NFKB1: variants seen among roughly 807,000 people sequenced by gnomAD.
NFKB1 encodes nuclear factor NF-kappa-B p105 subunit.
NFKB1 carries 9 observed loss-of-function variants against 105.1 expected under a neutral mutation model. The ratio of observed to expected loss-of-function variants is 0.09; its 90% CI spans 0.05 to 0.15. The LOEUF (loss-of-function observed/expected upper bound fraction) is 0.15. Among genes scored for constraint, NFKB1 ranks in the 10% least tolerant of loss-of-function variants. NFKB1 has a pLI of 1.00. For synonymous variants in NFKB1, 440 were observed against 442.2 expected (o/e 1.00, Z 0.06); for missense variants, 830 against 1,203.7 (o/e 0.69, Z 4.59).
At chr4:102,612,152 T>G in intron 21 of NFKB1, 42 bp downstream of exon 21, 1 of 1,529,978 alleles carries the variant, frequency 6.5e-7, no homozygotes, top group Non-Finnish European at 9.1e-7. Context: ...CATTATTATC[T>G]CCACACTGTC....
intron 1 of NFKB1, among the ~76,000 whole-genome samples, chr4:102,504,029 G>A (rs961435383): frequency 3.3e-5 from 5 of 152,186 alleles, no homozygotes; most frequent in African/African-American, 7.2e-5. Context: ...CCTAATTTAT[G>A]AGAGGTATTT....
intron 11 of NFKB1, among the ~76,000 whole-genome samples, chr4:102,586,356 G>A (rs973876701): frequency 1.1e-4 from 16 of 152,232 alleles, no homozygotes; most frequent in African/African-American, 3.9e-4. Flanking sequence ...AGTAGATTTG[G>A]GTGGGAAAAG....
chr4:102,612,083 T>G lies in NFKB1; in HGVS notation c.2392T>G (p.Phe798Val), dbSNP rs776831944. The G allele has an allele frequency of 6.2e-7, 1 of 1,614,070 alleles. No individual in the cohort carries two copies. The highest frequency in any genetic ancestry group is 8.5e-7 in the Non-Finnish European group (1 of 1,179,970). The change falls in exon 21 of 24, where the codon TTT (phenylalanine) becomes GTT (valine). Residue 798 changes from phenylalanine to valine, a missense_variant. This residue lies in a region of NFKB1 where 418 missense variants were observed against 575.3 expected (regional missense o/e 0.73). Transcript: ENST00000226574. Reference protein sequence around the residue: ...ILNGKPYEPEFTSDDLLAQGD... With the variant: ...ILNGKPYEPEVTSDDLLAQGD... ...AAATGGGAAACCATATGAGCCAGAG[T>G]TTACATCTGATGATTTACTAGCACA...
At chr4:102,606,197 T>C (rs1436019998) in intron 16 of NFKB1, among the ~76,000 whole-genome samples, 1 of 152,238 alleles carries the variant, frequency 6.6e-6, no homozygotes, top group Non-Finnish European at 1.5e-5. Context: ...TAAACTTAGA[T>C]TAAAACATCA....
chr4:102,574,125 C>CTTTTTTTTTTTTTTTTTT (rs56977004), intron 6 of NFKB1, among the ~76,000 whole-genome samples: 2 of 93,248 alleles, frequency 2.1e-5, no homozygotes, highest in African/African-American at 4.6e-5. Context: ...TCTTGGATTC[C>CTTTTTTTTTTTTTTTTTT]TTTTTTTTTT....
chr4:102,569,740 A>G (rs182545095), intron 6 of NFKB1, among the ~76,000 whole-genome samples: 23 of 152,244 alleles, frequency 1.5e-4, no homozygotes, highest in South Asian at 4.1e-4. Context: ...TTCCCTCAGT[A>G]TGAATTCTTA....
chr4:102,539,417 C>T (rs1741857585), intron 5 of NFKB1, among the ~76,000 whole-genome samples: 1 of 152,016 alleles, frequency 6.6e-6, no homozygotes, highest in African/African-American at 2.4e-5. Context: ...TGAAACTCAC[C>T]CATTATTTAG....
At chr4:102,603,952 A>G (rs903121555) in intron 16 of NFKB1, among the ~76,000 whole-genome samples, 3 of 152,124 alleles carry the variant, frequency 2.0e-5, no homozygotes, top group African/African-American at 7.2e-5. Flanking sequence ...CAACCACTCT[A>G]TCGTGTTTGG....
At chr4:102,515,146 T>G (rs1244841503) in intron 1 of NFKB1, among the ~76,000 whole-genome samples, 1 of 134,484 alleles carries the variant, frequency 7.4e-6, no homozygotes, top group Admixed American at 8.3e-5. Context: ...AGTCTCGCTC[T>G]GTCGCCCAGG....
At chr4:102,527,974 A>G (rs113473633) in intron 2 of NFKB1, among the ~76,000 whole-genome samples, 2,400 of 152,170 alleles carry the variant, frequency 0.016, 29 homozygotes, top group Non-Finnish European at 0.026. Flanking sequence ...TGACATTTCC[A>G]TTTTTGAGGC....
At chr4:102,537,783 TTGTA>T in intron 4 of NFKB1, 71 bp from the exon 5 acceptor site, 1 of 816,004 alleles carries the variant, frequency 1.2e-6, no homozygotes, top group Non-Finnish European at 2.0e-6. Context: ...ATTTAAAAAT[TTGTA>T]TGTACCTTTG....
intron 12 of NFKB1, 39 bp downstream of exon 12, chr4:102,593,607 T>C: frequency 6.3e-7 from 1 of 1,584,906 alleles, no homozygotes; most frequent in Non-Finnish European, 8.6e-7. Context: ...TTTTTCATAT[T>C]GGAGAGGGTA....
chr4:102,532,456 G>A (rs1488064631), intron 3 of NFKB1, among the ~76,000 whole-genome samples: 6 of 152,110 alleles, frequency 3.9e-5, no homozygotes, highest in Admixed American at 6.5e-5. Context: ...GTGAAACCCC[G>A]TCTCTACTAA....
Position 102,607,254 on chromosome 4 carries a change from C to T in NFKB1, c.2059C>T (p.Arg687Cys), listed in dbSNP as rs1355627768. 19 of 1,614,084 alleles carry T rather than the reference C, an allele frequency of 1.2e-5. No homozygotes were observed. Among genetic ancestry groups the T allele is most frequent in the Non-Finnish European group, 1.6e-5 (19 of 1,180,036 alleles). The change falls in exon 18 of 24, where the codon CGC (arginine) becomes TGC (cysteine). Residue 687 changes from arginine to cysteine, a missense_variant. Physicochemically the swap from Arg to Cys is radical, Grantham distance 180. Around this residue, in one of 8 missense-constraint regions of NFKB1, gnomAD observed 418 missense variants for 575.3 expected, o/e 0.73. Transcript: ENST00000226574. ...DVNAQEQKSG[R>C]TALHLAVEHD... ...CAATGCTCAGGAGCAGAAGTCCGGG[C>T]GCACAGCACTGCACCTGGCTGTGGA... is the stretch of plus-strand genomic sequence containing the variant.
At chr4:102,606,360 A>G in intron 16 of NFKB1, 136 bp from the exon 17 acceptor site, 1 of 804,036 alleles carries the variant, frequency 1.2e-6, no homozygotes, top group Non-Finnish European at 2.1e-6. Flanking sequence ...TTGGGTGCCA[A>G]GGTCAGAAGT....
intron 12 of NFKB1, among the ~76,000 whole-genome samples, chr4:102,594,268 C>A (rs1248948500): frequency 6.6e-6 from 1 of 152,174 alleles, no homozygotes; most frequent in Non-Finnish European, 1.5e-5. Context: ...CATAGTATAA[C>A]TTACTTACAT....
chr4:102,612,655 G>A (rs757759551), intron 22 of NFKB1, 49 bp downstream of exon 22: 2 of 1,531,524 alleles, frequency 1.3e-6, no homozygotes, highest in Non-Finnish European at 1.8e-6. Context: ...ACTTTACTCT[G>A]TTAACATCTC....
chr4:102,586,133 G>A (rs1169714558), intron 11 of NFKB1, among the ~76,000 whole-genome samples: 1 of 152,172 alleles, frequency 6.6e-6, no homozygotes, highest in Non-Finnish European at 1.5e-5. Flanking sequence ...ATCCAAGTGA[G>A]AAACAGTGCA....
chr4:102,504,576 G>A (rs138352874), intron 1 of NFKB1, among the ~76,000 whole-genome samples: 1 of 152,174 alleles, frequency 6.6e-6, no homozygotes, highest in Non-Finnish European at 1.5e-5. Flanking sequence ...ATCTACATTT[G>A]TGTCTAATCA....
Sources: allele counts gnomAD v4.1 joint callset (sites outside exome capture counted in the v4.1 genomes callset), GRCh38; gene constraint gnomAD v4.1.1; regional missense constraint gnomAD v4.1.1; transcripts MANE v1.5; gene names NCBI Gene and HGNC (gene_info 2026-07-23, HGNC 2026-07-21).